ATP8A2: variants seen among roughly 807,000 people sequenced by gnomAD.
The protein encoded by ATP8A2 is phospholipid-transporting ATPase IB.
In ATP8A2, 100 loss-of-function variants were observed where a neutral mutation model predicts 165.6. The ratio of observed to expected loss-of-function variants is 0.60; its 90% confidence interval spans 0.51 to 0.71. The LOEUF is 0.71. Among genes scored for constraint, ATP8A2 ranks in the 30% least tolerant of loss-of-function variants. The pLI is 0.00. For synonymous variants in ATP8A2, 543 were observed against 548.8 expected, an observed-to-expected ratio of 0.99 and a Z score of 0.15; for missense variants, 1,227 against 1,479.5, an observed-to-expected ratio of 0.83 and a Z score of 2.80.
rs1175295638 is a variant in ATP8A2, at chr13:25,376,639, A to G, written c.76+4351A>G. 2.6e-5 allele frequency among the ~76,000 whole-genome samples: 4 copies of G among 152,260 alleles called. 1 individual carries two copies. The highest frequency in any genetic ancestry group is 9.6e-5 in the African/African-American group (4 of 41,458). ...TATAAGTGCATGCACTAACTGACACATTATCAAGATGATATCGACAACATG... is the reference window on the plus strand; with the variant it reads ...TATAAGTGCATGCACTAACTGACACGTTATCAAGATGATATCGACAACATG... On this transcript the variant is annotated intron_variant, in intron 1 of 36. Coordinates refer to ENST00000381655, the MANE Select transcript of ATP8A2 (RefSeq NM_016529.6).
chr13:25,829,802 G>GCAGT (rs1163925430), intron 28 of ATP8A2, among the ~76,000 whole-genome samples: 3 of 145,808 alleles, frequency 2.1e-5, no homozygotes, highest in Non-Finnish European at 4.5e-5. Flanking sequence ...TTAGCTCCAT[G>GCAGT]CAGTCTTGGC....
At position 25,617,019 on chromosome 13, in the gene ATP8A2, A is replaced by C. The variant is rs2040845130; in HGVS notation, c.2211+27320A>C. The stretch of plus-strand genomic sequence containing the variant: ...GAAATGATTTCATAGAATAAAACTG[A>C]AGCCTGGTTTATCTTGAAAAGAAAT... On this transcript the variant is annotated intron_variant, in intron 24 of 36. Coordinates refer to ENST00000381655, the MANE Select transcript of ATP8A2 (RefSeq NM_016529.6). Among the ~76,000 whole-genome samples the C allele has an allele frequency of 1.3e-5, 2 of 152,240 alleles. 1 individual carries two copies. The highest frequency in any genetic ancestry group is 4.1e-4 in the South Asian group (2 of 4,828).
At chr13:25,882,489 G>A (rs1047935855) in intron 33 of ATP8A2, among the ~76,000 whole-genome samples, 4 of 152,120 alleles carry the variant, frequency 2.6e-5, no homozygotes, top group African/African-American at 4.8e-5. Context: ...GACTAAGTTC[G>A]TGAGAAACAG....
chr13:25,513,003 G>A (rs1189840597), intron 2 of ATP8A2, among the ~76,000 whole-genome samples: 33 of 134,352 alleles, frequency 2.5e-4, no homozygotes, highest in Non-Finnish European at 2.8e-4. Context: ...CTGGCCGGGC[G>A]GGGGGCTGAC....
chr13:25,913,107 C>T (rs1456489119), intron 33 of ATP8A2, among the ~76,000 whole-genome samples: 1 of 152,172 alleles, frequency 6.6e-6, no homozygotes, highest in African/African-American at 2.4e-5. Context: ...TCATGTTATT[C>T]CATACAGTGC....
chr13:25,932,370 A>G (rs1278670150), intron 33 of ATP8A2, among the ~76,000 whole-genome samples: 3 of 152,194 alleles, frequency 2.0e-5, no homozygotes, highest in Non-Finnish European at 4.4e-5. Context: ...TTCCCGCAAG[A>G]AAGAACCCTT....
chr13:25,985,863 A>C (rs1462930654), intron 35 of ATP8A2, among the ~76,000 whole-genome samples: 1 of 152,192 alleles, frequency 6.6e-6, no homozygotes, highest in Non-Finnish European at 1.5e-5. Context: ...TCCATGTAGG[A>C]AGATTGGGGT....
chr13:25,427,578 G>A (rs1161101109), intron 1 of ATP8A2, among the ~76,000 whole-genome samples: 1 of 151,994 alleles, frequency 6.6e-6, no homozygotes, highest in East Asian at 1.9e-4. Context: ...TCATTTTCCT[G>A]GGAGCCTAAA....
chr13:25,747,778 T>C (rs2044066753), intron 25 of ATP8A2, among the ~76,000 whole-genome samples: 3 of 152,178 alleles, frequency 2.0e-5, no homozygotes, highest in South Asian at 4.1e-4. Flanking sequence ...AGAGTTGCAG[T>C]GAGTAGCCCA....
chr13:25,581,098 C>T (rs2039763425), intron 22 of ATP8A2, among the ~76,000 whole-genome samples: 1 of 152,148 alleles, frequency 6.6e-6, no homozygotes, highest in South Asian at 2.1e-4. Context: ...AGGTGATGTG[C>T]CTGTGGTGGA....
chr13:25,627,769 C>G (rs2041140402), intron 24 of ATP8A2, among the ~76,000 whole-genome samples: 1 of 152,134 alleles, frequency 6.6e-6, no homozygotes, highest in South Asian at 2.1e-4. Context: ...TGAGATGGAG[C>G]TATCTGGAGG....
At chr13:25,516,546 G>A (rs953883523) in intron 2 of ATP8A2, among the ~76,000 whole-genome samples, 8 of 152,256 alleles carry the variant, frequency 5.3e-5, no homozygotes, top group Middle Eastern at 3.4e-3. Context: ...GACCTGTTGC[G>A]TTTCTTTTGG....
intron 36 of ATP8A2, among the ~76,000 whole-genome samples, chr13:26,014,741 T>C (rs1956928702): frequency 1.3e-5 from 2 of 152,150 alleles, no homozygotes; most frequent in Admixed American, 6.5e-5. Context: ...ATAGGCAATA[T>C]AGGGTCCAAT....
chr13:25,556,457 G>A (rs2038983488), intron 13 of ATP8A2, among the ~76,000 whole-genome samples: 1 of 151,884 alleles, frequency 6.6e-6, no homozygotes, highest in Non-Finnish European at 1.5e-5. Context: ...TTTTTAATGG[G>A]GTTGTTTGGT....
intron 1 of ATP8A2, among the ~76,000 whole-genome samples, chr13:25,378,323 A>T (rs1447189957): frequency 4.7e-5 from 7 of 148,838 alleles, no homozygotes; most frequent in African/African-American, 1.5e-4. Context: ...TCTAATCCTC[A>T]TTAACTCTGT....
chr13:25,737,722 G>A (rs9511906), intron 25 of ATP8A2, among the ~76,000 whole-genome samples: 1 of 151,800 alleles, frequency 6.6e-6, no homozygotes, highest in South Asian at 2.1e-4. Context: ...TCACTCTGTC[G>A]CCCAGGCTGG....
At chr13:25,720,156 G>A (rs2043343436) in intron 25 of ATP8A2, among the ~76,000 whole-genome samples, 2 of 133,094 alleles carry the variant, frequency 1.5e-5, no homozygotes, top group South Asian at 4.5e-4. Flanking sequence ...TCCGATAAAT[G>A]TATACTTTTT....
At chr13:25,510,108 C>T (rs1159663393) in intron 2 of ATP8A2, among the ~76,000 whole-genome samples, 1 of 152,022 alleles carries the variant, frequency 6.6e-6, no homozygotes, top group Non-Finnish European at 1.5e-5. Flanking sequence ...CTAGAGCTCA[C>T]AGTACAAGAC....
chr13:25,753,271 T>G (rs1307080699), intron 25 of ATP8A2, among the ~76,000 whole-genome samples: 2 of 152,124 alleles, frequency 1.3e-5, no homozygotes, highest in Admixed American at 1.3e-4. Context: ...CAGGGTGTGG[T>G]TCCACAGCTG....
Sources: allele counts gnomAD v4.1 joint callset (sites outside exome capture counted in the v4.1 genomes callset), GRCh38; gene constraint gnomAD v4.1.1; transcripts MANE v1.5; gene names NCBI Gene and HGNC (gene_info 2026-07-23, HGNC 2026-07-21).